ZNF205: variants seen among roughly 807,000 people sequenced by gnomAD.
ZNF205 encodes the protein zinc finger protein 205.
Under a neutral mutation model 53.6 loss-of-function variants are expected in ZNF205, and 32 were observed. That is an observed-to-expected ratio of 0.60 (90% CI 0.45 to 0.80). The LOEUF (loss-of-function observed/expected upper bound fraction) is 0.80, where lower values mean the gene tolerates loss of function less well. ZNF205 is among the 30% of genes least tolerant of loss of function. The probability of loss-of-function intolerance (pLI) is 0.00; values close to 1 mark genes in which losing one functional copy is unlikely to be tolerated. For synonymous variants in ZNF205, 382 were observed against 334.3 expected, an observed-to-expected ratio of 1.14 and a Z score of -1.56; for missense variants, 836 against 782.4, an observed-to-expected ratio of 1.07 and a Z score of -0.82.
intron 1 of ZNF205, among the ~76,000 whole-genome samples, chr16:3,113,162 G>T (rs757255753): frequency 6.6e-6 from 1 of 152,148 alleles, no homozygotes; most frequent in Non-Finnish European, 1.5e-5. Flanking sequence ...GCAATAAAGG[G>T]GACAATACAA....
At chr16:3,115,995 A>G in intron 4 of ZNF205, 75 bp downstream of exon 4, 1 of 1,473,470 alleles carries the variant, frequency 6.8e-7, no homozygotes, top group South Asian at 1.2e-5. Flanking sequence ...GAAAGCCAGG[A>G]CCCCGCTGGC....
At chr16:3,113,011 C>T (rs926370999) in intron 1 of ZNF205, 1 of 222,320 alleles carries the variant, frequency 4.5e-6, no homozygotes, top group African/African-American at 2.4e-5. Flanking sequence ...TTACCCTGGC[C>T]TTGACGGGCG....
At position 3,118,959 on chromosome 16, in the gene ZNF205, C is replaced by A. The variant is rs745739362; in HGVS notation, c.539C>A (p.Ala180Asp). The A allele has an allele frequency of 1.2e-6, 2 of 1,613,658 alleles. No individual in the cohort carries two copies. The highest frequency in any genetic ancestry group is 1.7e-6 in the Non-Finnish European group (2 of 1,179,976). Residue 180 changes from alanine (A) to aspartate (D), a missense_variant, in exon 6 of 7, where the codon GCC becomes GAC. Coordinates refer to ENST00000219091, the MANE Select transcript of ZNF205 (RefSeq NM_001042428.2). ...WAPQAHGKGE[A>D]SGSSRQAGDE... Reference sequence around the variant, plus strand: ...CCTCAAGCGCACGGCAAGGGTGAGGCCTCGGGCTCCAGCCGGCAGGCAGGA... The same window carrying A: ...CCTCAAGCGCACGGCAAGGGTGAGGACTCGGGCTCCAGCCGGCAGGCAGGA...
In ZNF205 at chr16:3,120,339, G is replaced by T; in HGVS notation, c.*14G>T. ...GCTCCCACCTAGGAGGCCAGGAAAG[G>T]GGGAGCGGGGCGCCCAGGGCCACTG... On this transcript the variant is annotated 3_prime_UTR_variant, in exon 7 of 7. Coordinates refer to ENST00000219091, the MANE Select transcript of ZNF205 (RefSeq NM_001042428.2). 2.7e-6 allele frequency: 4 copies of T among 1,498,026 alleles called. No homozygotes were observed. The highest frequency in any genetic ancestry group is 3.5e-6 in the Non-Finnish European group (4 of 1,133,422). 92.8% of individuals were successfully genotyped at this position (1,498,026 alleles called of 1,614,324 possible).
In ZNF205 at chr16:3,116,479, G is replaced by A. The variant is rs1957347207; in HGVS notation, c.416G>A (p.Gly139Glu). ...TTGTACCTCTCCCGGGAGGAGTGGG[G>A]ACGGCTGGACCACACGCAGCAGAAC... ...VALYLSREEWGRLDHTQQNFY... is the reference protein window; with the variant it reads ...VALYLSREEWERLDHTQQNFY... The change falls in exon 5 of 7, where the codon GGA becomes GAA. Residue 139 changes from glycine (G) to glutamate (E), a missense_variant. Coordinates refer to ENST00000219091, the MANE Select transcript of ZNF205 (RefSeq NM_001042428.2). 2 of 1,614,038 alleles carry A rather than the reference G, an allele frequency of 1.2e-6. No homozygotes were observed. The highest frequency in any genetic ancestry group is 1.7e-5 in the Admixed American group (1 of 60,010).
chr16:3,115,577 G>A lies in ZNF205; in HGVS notation c.271+9G>A. ...CTTCCTGCCTGGCGGAGGTAGGAGA[G>A]GGACGGGGAAGAGGCGCTTTCCCAG... On this transcript the variant is annotated intron_variant, in intron 3 of 6. Coordinates refer to ENST00000219091, the MANE Select transcript of ZNF205 (RefSeq NM_001042428.2). 6.3e-7 allele frequency: 1 copy of A among 1,581,090 alleles called. No individual in the cohort carries two copies. Among genetic ancestry groups the A allele is most frequent in the South Asian group, 1.2e-5 (1 of 86,008 alleles).
At chr16:3,112,753 A>T (rs1357331845) in intron 1 of ZNF205, 71 bp downstream of exon 1, 1 of 254,204 alleles carries the variant, frequency 3.9e-6, no homozygotes, top group Non-Finnish European at 8.0e-6. Flanking sequence ...GCAGGAGGGG[A>T]TGGGGTCAAA....
At chr16:3,116,237 G>A (rs1014881605) in intron 4 of ZNF205, 190 bp from the exon 5 acceptor site, 6 of 772,666 alleles carry the variant, frequency 7.8e-6, no homozygotes, top group Non-Finnish European at 1.2e-5. Context: ...ATACCTCTTG[G>A]TCTTTGTTCT....
Position 3,119,468 on chromosome 16 carries a change from C to G in ZNF205, c.808C>G (p.Pro270Ala). The stretch of plus-strand genomic sequence containing the variant: ...GGATGCAGCTCCGCCAGACCCCAGT[C>G]CCACGGAGCCCCAGGAGTACCGCGT... ...TPDAAPPDPS[P>A]TEPQEYRVPE... is the part of the protein sequence containing the mutation. Residue 270 changes from proline (P) to alanine (A), a missense_variant, in exon 7 of 7, where the codon CCC becomes GCC. Coordinates refer to ENST00000219091, the MANE Select transcript of ZNF205 (RefSeq NM_001042428.2). The G allele has an allele frequency of 6.3e-7, 1 of 1,588,738 alleles. No homozygotes were observed. The highest frequency in any genetic ancestry group is 8.6e-7 in the Non-Finnish European group (1 of 1,168,732).
Position 3,120,354 on chromosome 16 carries a change from C to T in ZNF205, c.*29C>T. 1 of 1,472,598 alleles carries T rather than the reference C, an allele frequency of 6.8e-7. No individual in the cohort carries two copies. The highest frequency in any genetic ancestry group is 8.9e-7 in the Non-Finnish European group (1 of 1,120,978). The allele number at this position is 1,472,598 out of a possible 1,614,324, so 91.2% of individuals were successfully genotyped here. A position where few individuals can be genotyped will look rare whatever the true frequency, so the allele number is the denominator to read the frequency against. On this transcript the variant is annotated 3_prime_UTR_variant, in exon 7 of 7. Transcript: ENST00000219091. ...GCCAGGAAAGGGGGAGCGGGGCGCC[C>T]AGGGCCACTGGAACAGCCCCACTGG...
chr16:3,113,385 A>C (rs1297160217), intron 1 of ZNF205, 32 bp from the exon 2 acceptor site: 4 of 1,609,100 alleles, frequency 2.5e-6, no homozygotes, highest in Non-Finnish European at 3.4e-6. Flanking sequence ...TTGGCCAAAA[A>C]GAGGGAGAAA....
Position 3,115,853 on chromosome 16 carries a change from T to G in ZNF205, c.296T>G (p.Val99Gly), listed in dbSNP as rs368823356. 39 of 1,613,832 alleles carry G rather than the reference T, an allele frequency of 2.4e-5. 1 individual carries two copies. Among genetic ancestry groups the G allele is most frequent in the South Asian group, 5.5e-5 (5 of 91,068 alleles). ...GCCCTCCCCTCCCCCCGGATCCCCGTGCTTTCCCGAGAGGGGAGGACCAGA... is the reference window on the plus strand; with the variant it reads ...GCCCTCCCCTCCCCCCGGATCCCCGGGCTTTCCCGAGAGGGGAGGACCAGA... Reference protein sequence around the residue: ...GGALPSPRIPVLSREGRTRDR... With the variant: ...GGALPSPRIPGLSREGRTRDR... The change falls in exon 4 of 7, where the codon GTG becomes GGG. Residue 99 changes from valine to glycine, a missense_variant. By Grantham distance (109) the Val-to-Gly change is moderately radical (BLOSUM62 -3). Transcript: ENST00000219091.
At chr16:3,119,181 T>TAG (rs1957385158) in intron 6 of ZNF205, 75 bp from the exon 7 acceptor site, 1 of 1,515,612 alleles carries the variant, frequency 6.6e-7, no homozygotes, top group Non-Finnish European at 8.8e-7. Flanking sequence ...CCCCCACCCT[T>TAG]AGCTCTGCCT....
Position 3,117,852 on chromosome 16 carries a change from C to CTT in ZNF205, c.485-1040_485-1039dup, listed in dbSNP as rs35351001. Among the ~76,000 whole-genome samples the CTT allele has an allele frequency of 6.3e-4, 84 of 132,968 alleles. 2 individuals carry two copies. The South Asian group carries it at 8.2e-3, about 13-fold the overall frequency. The allele number at this position is 132,968 out of a possible 152,430, so 87.2% of individuals were successfully genotyped here. On this transcript the variant is annotated intron_variant, in intron 5 of 6. Coordinates refer to ENST00000219091, the MANE Select transcript of ZNF205 (RefSeq NM_001042428.2). ...ATTCATTCATTCAGTTGACGCTTAG[C>CTT]TTTTTTTTTTTTTTGAGACGGAGTC... is the stretch of plus-strand genomic sequence containing the variant.
Position 3,119,692 on chromosome 16 carries a change from C to T in ZNF205, c.1032C>T (p.Arg344=). The T allele has an allele frequency of 6.2e-7, 1 of 1,613,594 alleles. No individual in the cohort carries two copies. Among genetic ancestry groups the T allele is most frequent in the East Asian group, 2.2e-5 (1 of 44,868 alleles). ...KPYACTDCGK[R]FGRSSHLIQH... is the part of the protein sequence containing the mutation. ...ACGCCTGCACTGACTGCGGGAAGCG[C>T]TTCGGCCGCAGCTCGCACCTCATCC... The change falls in exon 7 of 7, where the codon CGC becomes CGT. Residue 344 remains arginine, a synonymous_variant. Transcript: ENST00000219091.
intron 5 of ZNF205, 43 bp downstream of exon 5, chr16:3,116,590 G>T: frequency 6.3e-7 from 1 of 1,594,376 alleles, no homozygotes; most frequent in South Asian, 1.1e-5. Context: ...TTAGGGAGAG[G>T]TCCTGCTCTG....
At position 3,119,326 on chromosome 16, in the gene ZNF205, A is replaced by T. The variant is rs747628041; in HGVS notation, c.666A>T (p.Arg222Ser). ...VAALGNVKPF[R>S]TRAGRVQWGV... is the part of the protein sequence containing the mutation. ...CCCTTGGGAATGTGAAGCCCTTCAG[A>T]ACCAGGGCAGGGAGAGTCCAGTGGG... The change falls in exon 7 of 7, where the codon AGA (arginine) becomes AGT (serine). Residue 222 changes from arginine (R) to serine (S), a missense_variant. Physicochemically the swap from Arg to Ser is moderately radical, Grantham distance 110. Coordinates refer to ENST00000219091, the MANE Select transcript of ZNF205 (RefSeq NM_001042428.2). The T allele has an allele frequency of 6.2e-7, 1 of 1,612,736 alleles. No individual in the cohort carries two copies.
At chr16:3,116,220 C>G in intron 4 of ZNF205, 1 of 715,716 alleles carries the variant, frequency 1.4e-6, no homozygotes. Flanking sequence ...AACTGTGATC[C>G]CTGAAAATAC....
chr16:3,120,414 G>C lies in ZNF205; in HGVS notation c.*89G>C. Reference sequence around the variant, plus strand: ...TCCGAGGGAGGAGAGAGGGGCTCGGGAAGGGAGCTGGGGCGGTGAGGGCAT... The same window carrying C: ...TCCGAGGGAGGAGAGAGGGGCTCGGCAAGGGAGCTGGGGCGGTGAGGGCAT... On this transcript the variant is annotated 3_prime_UTR_variant, in exon 7 of 7. Coordinates refer to ENST00000219091, the MANE Select transcript of ZNF205 (RefSeq NM_001042428.2). The C allele has an allele frequency of 7.2e-7, 1 of 1,391,502 alleles. No homozygotes were observed. 86.2% of individuals were successfully genotyped at this position (1,391,502 alleles called of 1,614,324 possible). A position where few individuals can be genotyped will look rare whatever the true frequency, so the allele number is the denominator to read the frequency against.
Sources: allele counts gnomAD v4.1 joint callset (sites outside exome capture counted in the v4.1 genomes callset), GRCh38; gene constraint gnomAD v4.1.1; transcripts MANE v1.5; gene names NCBI Gene and HGNC (gene_info 2026-07-23, HGNC 2026-07-21).